Variants in NRXN3 observed in about 807,000 individuals in gnomAD.
NRXN3 encodes neurexin 3.
Under a neutral mutation model 137.6 loss-of-function variants are expected in NRXN3, and 32 were observed. The ratio of observed to expected loss-of-function variants is 0.23; its 90% CI spans 0.18 to 0.31. The LOEUF (loss-of-function observed/expected upper bound fraction) is 0.31. Among genes scored for constraint, NRXN3 ranks in the 10% least tolerant of loss-of-function variants. The pLI is 1.00. For missense variants in NRXN3, 1,574 were observed against 2,062.5 expected (o/e 0.76, Z 4.59); for synonymous variants, 798 against 784.5 (o/e 1.02, Z -0.29).
At chr14:79,153,287 A>G (rs1285532899) in intron 15 of NRXN3, among the ~76,000 whole-genome samples, 27 of 152,054 alleles carry the variant, frequency 1.8e-4, no homozygotes, top group Admixed American at 1.8e-3. Flanking sequence ...CTTAAAATTC[A>G]AGCTAGGTTT....
At chr14:79,041,486 A>C (rs1595272695) in intron 15 of NRXN3, among the ~76,000 whole-genome samples, 1 of 152,206 alleles carries the variant, frequency 6.6e-6, no homozygotes, top group Non-Finnish European at 1.5e-5. Context: ...TGCTGGGCCT[A>C]GGGTTAGGGG....
At chr14:79,181,563 C>A (rs893800171) in intron 15 of NRXN3, among the ~76,000 whole-genome samples, 3 of 151,808 alleles carry the variant, frequency 2.0e-5, no homozygotes, top group Non-Finnish European at 4.4e-5. Context: ...TTCCTATAAT[C>A]CCAGCTACTT....
intron 19 of NRXN3, among the ~76,000 whole-genome samples, chr14:79,698,637 T>C (rs2098743608): frequency 6.6e-6 from 1 of 152,058 alleles, no homozygotes; most frequent in Non-Finnish European, 1.5e-5. Flanking sequence ...AATACTTTGC[T>C]GACTCCCTTG....
chr14:79,182,251 G>C lies in NRXN3; in HGVS notation c.3262+194110G>C, dbSNP rs566444834. ...AATTTTTCCATGGACTGGGGTTGGG[G>C]GATGGTTTGGGGATGATTCAAGTAC... On this transcript the variant is annotated intron_variant, in intron 15 of 20. Transcript: ENST00000335750. 3.3e-5 allele frequency among the ~76,000 whole-genome samples: 5 copies of C among 151,948 alleles called. No individual in the cohort carries two copies. In the East Asian group the frequency reaches 7.7e-4, roughly 24 times the overall value.
chr14:78,562,987 T>C (rs1031042361), intron 4 of NRXN3, among the ~76,000 whole-genome samples: 1 of 152,160 alleles, frequency 6.6e-6, no homozygotes, highest in African/African-American at 2.4e-5. Context: ...CTGCAATCAT[T>C]TGGTGTCTGG....
rs528368245 is a variant in NRXN3, at chr14:79,583,340, A to G, written c.3445-80438A>G. Reference sequence around the variant, plus strand: ...CTGCCTGGGTATAAAGCAGCTATGTAGCTTCTAGTGTCTTAACATTGCTAA... The same window carrying G: ...CTGCCTGGGTATAAAGCAGCTATGTGGCTTCTAGTGTCTTAACATTGCTAA... On this transcript the variant is annotated intron_variant, in intron 16 of 20. Transcript: ENST00000335750. Among the ~76,000 whole-genome samples, 3 of 152,348 alleles carry G rather than the reference A, an allele frequency of 2.0e-5. No homozygotes were observed. The East Asian group carries it at 5.8e-4, about 29-fold the overall frequency.
intron 14 of NRXN3, among the ~76,000 whole-genome samples, chr14:78,978,708 CTT>C (rs2099478823): frequency 6.8e-6 from 1 of 147,182 alleles, no homozygotes; most frequent in Non-Finnish European, 1.5e-5. Context: ...ATATATGCAT[CTT>C]ATATATAATA....
intron 15 of NRXN3, among the ~76,000 whole-genome samples, chr14:79,230,790 G>A (rs1462053648): frequency 1.3e-5 from 2 of 152,118 alleles, no homozygotes; most frequent in African/African-American, 4.8e-5. Context: ...GAAACCAGAA[G>A]GTTGAGTTCT....
intron 4 of NRXN3, among the ~76,000 whole-genome samples, chr14:78,358,747 A>G (rs1314960392): frequency 2.6e-5 from 4 of 152,150 alleles, no homozygotes; most frequent in Non-Finnish European, 4.4e-5. Context: ...GCTTGGTGAC[A>G]GTCAGATTCT....
chr14:78,437,994 TAAAG>T (rs1011165441), intron 4 of NRXN3, among the ~76,000 whole-genome samples: 3 of 152,134 alleles, frequency 2.0e-5, no homozygotes, highest in African/African-American at 4.8e-5. Flanking sequence ...ATGGACTTGA[TAAAG>T]AACGTCCTGG....
Position 78,738,994 on chromosome 14 carries a change from G to C in NRXN3, c.2044+23855G>C, listed in dbSNP as rs1313622133. Among the ~76,000 whole-genome samples the C allele has an allele frequency of 2.0e-5, 3 of 152,158 alleles. No homozygotes were observed. In the South Asian group the frequency reaches 6.2e-4, roughly 32 times the overall value. ...AATGCAGATTAGAATTAAAAGATGT[G>C]CTTACCACACTGTCTCTGTCTCTGT... On this transcript the variant is annotated intron_variant, in intron 8 of 20. Coordinates refer to ENST00000335750, the MANE Select transcript of NRXN3 (RefSeq NM_001330195.2).
intron 15 of NRXN3, among the ~76,000 whole-genome samples, chr14:79,045,677 G>A (rs2099631991): frequency 6.6e-6 from 1 of 152,232 alleles, no homozygotes. Flanking sequence ...GATGCTCAGA[G>A]AATTATGAAG....
chr14:78,591,528 A>G (rs76293979), intron 4 of NRXN3, among the ~76,000 whole-genome samples: 5,095 of 152,202 alleles, frequency 0.033, 102 homozygotes, highest in African/African-American at 0.051. Context: ...ACTCACAATT[A>G]TGTCAATCAT....
At chr14:78,424,206 C>A (rs2093572785) in intron 4 of NRXN3, among the ~76,000 whole-genome samples, 1 of 152,136 alleles carries the variant, frequency 6.6e-6, no homozygotes, top group African/African-American at 2.4e-5. Context: ...GTTTTCTTAC[C>A]ACATTGTTCT....
At chr14:79,748,784 T>C (rs1312456257) in intron 19 of NRXN3, among the ~76,000 whole-genome samples, 2 of 152,042 alleles carry the variant, frequency 1.3e-5, no homozygotes, top group Admixed American at 6.6e-5. Context: ...CATAGAGCTA[T>C]TGTCAAATGT....
At position 79,657,184 on chromosome 14, in the gene NRXN3, G is replaced by A. The variant is rs138340070; in HGVS notation, c.3445-6594G>A. 1.8e-3 allele frequency among the ~76,000 whole-genome samples: 275 copies of A among 152,182 alleles called. 3 individuals carry two copies. Among genetic ancestry groups the A allele is most frequent in the African/African-American group, 6.1e-3 (254 of 41,528 alleles). ...TACTGTTGCTCTTGTCTTCGTTATC[G>A]TTTTTCTAGACAAAGCTTGAGCCAT... On this transcript the variant is annotated intron_variant, in intron 16 of 20. Transcript: ENST00000335750.
chr14:78,288,426 G>A (rs947257437), intron 3 of NRXN3, among the ~76,000 whole-genome samples: 1 of 152,152 alleles, frequency 6.6e-6, no homozygotes, highest in Non-Finnish European at 1.5e-5. Context: ...TACTATTTTT[G>A]TGCCCATTTC....
intron 19 of NRXN3, among the ~76,000 whole-genome samples, chr14:79,718,697 C>T (rs1233151358): frequency 6.6e-6 from 1 of 152,172 alleles, no homozygotes; most frequent in African/African-American, 2.4e-5. Flanking sequence ...CTTTAAAGCC[C>T]TAATATCTTG....
intron 4 of NRXN3, among the ~76,000 whole-genome samples, chr14:78,378,848 C>T (rs2088446593): frequency 6.6e-6 from 1 of 151,750 alleles, no homozygotes; most frequent in Non-Finnish European, 1.5e-5. Flanking sequence ...TAAATGATTC[C>T]ATGAAAAGAA....
Sources: gnomAD v4.1 joint callset for allele counts (sites outside exome capture counted in the v4.1 genomes callset) on GRCh38, gnomAD v4.1.1 for gene constraint, MANE v1.5 for transcripts, NCBI Gene and HGNC (gene_info 2026-07-23, HGNC 2026-07-21) for gene names.